The following KCNK13 variants were observed in gnomAD, a reference collection of about 807,000 sequenced individuals.
KCNK13 encodes the protein potassium channel subfamily K member 13.
In KCNK13, 12 loss-of-function variants were observed where a neutral mutation model predicts 23.4. The observed-to-expected ratio is 0.51, with a 90% confidence interval of 0.33 to 0.83. The LOEUF (loss-of-function observed/expected upper bound fraction) is 0.83, where lower values mean the gene tolerates loss of function less well. Among genes scored for constraint, KCNK13 ranks in the 40% least tolerant of loss-of-function variants. The probability of loss-of-function intolerance (pLI) is 0.02; values close to 1 mark genes in which losing one functional copy is unlikely to be tolerated. For missense variants in KCNK13, 463 were observed against 556.3 expected (o/e 0.83, Z 1.69); for synonymous variants, 231 against 229.5 (o/e 1.01, Z -0.06).
At chr14:90,070,764 G>A (rs966877452) in intron 1 of KCNK13, among the ~76,000 whole-genome samples, 2 of 152,142 alleles carry the variant, frequency 1.3e-5, no homozygotes, top group Non-Finnish European at 2.9e-5. Context: ...GTTGTTTCAT[G>A]CGAACAATGG....
chr14:90,074,762 A>C (rs1237737294), intron 1 of KCNK13, among the ~76,000 whole-genome samples: 1 of 152,210 alleles, frequency 6.6e-6, no homozygotes, highest in East Asian at 1.9e-4. Flanking sequence ...AACAGAAGAC[A>C]CACCCAAAAT....
intron 1 of KCNK13, among the ~76,000 whole-genome samples, chr14:90,101,682 C>G (rs552313663): frequency 6.8e-6 from 1 of 147,296 alleles, no homozygotes; most frequent in Non-Finnish European, 1.5e-5. Flanking sequence ...CCCAGCTACT[C>G]GGGAGGCTGA....
intron 1 of KCNK13, among the ~76,000 whole-genome samples, chr14:90,123,146 A>T (rs774874124): frequency 6.6e-6 from 1 of 152,316 alleles, no homozygotes; most frequent in Admixed American, 6.5e-5. Flanking sequence ...AGGAACTTGC[A>T]CTCACTGAGG....
At chr14:90,071,067 C>T (rs1889068798) in intron 1 of KCNK13, among the ~76,000 whole-genome samples, 1 of 152,196 alleles carries the variant, frequency 6.6e-6, no homozygotes, top group Admixed American at 6.5e-5. Flanking sequence ...ATATGCTCAT[C>T]TTAGCCCATT....
chr14:90,167,640 T>C (rs569354030), intron 1 of KCNK13, among the ~76,000 whole-genome samples: 1 of 152,128 alleles, frequency 6.6e-6, no homozygotes, highest in Non-Finnish European at 1.5e-5. Context: ...CCTAGAACAC[T>C]GGGGACCCAG....
chr14:90,112,268 G>A (rs1215496284), intron 1 of KCNK13, among the ~76,000 whole-genome samples: 2 of 152,188 alleles, frequency 1.3e-5, no homozygotes, highest in Non-Finnish European at 2.9e-5. Flanking sequence ...ACCAAGGGAA[G>A]CTTTTAAAAA....
intron 1 of KCNK13, among the ~76,000 whole-genome samples, chr14:90,162,119 G>A (rs1890258410): frequency 6.6e-6 from 1 of 152,174 alleles, no homozygotes; most frequent in Non-Finnish European, 1.5e-5. Context: ...GGGCGAGGCT[G>A]CAGTGAGCTG....
chr14:90,062,234 C>T lies in KCNK13; in HGVS notation c.29C>T (p.Pro10Leu), dbSNP rs746472259. ...GCTGGCCGGGGTTTCAGCTGGGGCC[C>T]GGGCCACCTGAACGAGGACAACGCG... MAGRGFSWG[P>L]GHLNEDNARF... The change falls in exon 1 of 2, where the codon CCG becomes CTG. Residue 10 changes from proline to leucine, a missense_variant. Physicochemically the swap from Pro to Leu is moderately conservative, Grantham distance 98. Around this residue, in one of 3 missense-constraint regions of KCNK13, gnomAD observed 153 missense variants for 153.6 expected, o/e 1.00. Coordinates refer to ENST00000282146, the MANE Select transcript of KCNK13 (RefSeq NM_022054.4). The surrounding 1 kb of genome is among the most constrained non-coding windows in gnomAD (Gnocchi z 4.5). 3.3e-6 allele frequency: 5 copies of T among 1,512,846 alleles called. No individual in the cohort carries two copies. The highest frequency in any genetic ancestry group is 2.5e-5 in the South Asian group (2 of 80,568). The allele number at this position is 1,512,846 out of a possible 1,614,324, so 93.7% of individuals were successfully genotyped here.
intron 1 of KCNK13, among the ~76,000 whole-genome samples, chr14:90,084,533 G>A (rs1017959926): frequency 2.6e-5 from 4 of 152,192 alleles, no homozygotes; most frequent in African/African-American, 9.7e-5. Context: ...AAAATTTTCA[G>A]TCAGTTCCTT....
chr14:90,130,226 G>T (rs1336552634), intron 1 of KCNK13, among the ~76,000 whole-genome samples: 2 of 71,508 alleles, frequency 2.8e-5, no homozygotes, highest in Admixed American at 1.4e-4. Flanking sequence ...TTCAGACAGG[G>T]TTTCACTCTC....
intron 1 of KCNK13, among the ~76,000 whole-genome samples, chr14:90,091,602 C>G (rs1459251215): frequency 6.6e-6 from 1 of 151,984 alleles, no homozygotes; most frequent in Non-Finnish European, 1.5e-5. Flanking sequence ...TGCTCTTAAA[C>G]CTGGAATGCA....
At chr14:90,106,725 T>C (rs1889547890) in intron 1 of KCNK13, among the ~76,000 whole-genome samples, 1 of 151,818 alleles carries the variant, frequency 6.6e-6, no homozygotes, top group Non-Finnish European at 1.5e-5. Context: ...AAAACATTTA[T>C]AGTAAAATAA....
chr14:90,111,064 C>T (rs1889610635), intron 1 of KCNK13, among the ~76,000 whole-genome samples: 1 of 151,872 alleles, frequency 6.6e-6, no homozygotes, highest in South Asian at 2.1e-4. Context: ...ACCCCCTGAT[C>T]AGGAACTCCC....
intron 1 of KCNK13, among the ~76,000 whole-genome samples, chr14:90,123,147 C>T (rs1411082001): frequency 6.6e-6 from 1 of 152,200 alleles, no homozygotes; most frequent in African/African-American, 2.4e-5. Context: ...GGAACTTGCA[C>T]TCACTGAGGA....
At chr14:90,147,509 T>C (rs1469456198) in intron 1 of KCNK13, among the ~76,000 whole-genome samples, 1 of 152,148 alleles carries the variant, frequency 6.6e-6, no homozygotes, top group African/African-American at 2.4e-5. Flanking sequence ...AATATTAACA[T>C]TTTAATTATG....
chr14:90,151,419 T>C (rs80193773), intron 1 of KCNK13, among the ~76,000 whole-genome samples: 9,894 of 152,276 alleles, frequency 0.065, 417 homozygotes, highest in South Asian at 0.21. Context: ...TAACTCTTGG[T>C]GATTTCTATG....
chr14:90,068,772 C>T (rs2140387588), intron 1 of KCNK13, among the ~76,000 whole-genome samples: 1 of 152,208 alleles, frequency 6.6e-6, no homozygotes, highest in East Asian at 1.9e-4. Context: ...AGGACAAGCC[C>T]TCCCATGCTT....
rs773406484 is a variant in KCNK13 at position 90,184,610 on chromosome 14, C to T, written c.834C>T (p.Val278=). Residue 278 remains valine, a synonymous_variant, in exon 2 of 2, where the codon GTC becomes GTT. Coordinates refer to ENST00000282146, the MANE Select transcript of KCNK13 (RefSeq NM_022054.4). The surrounding 1 kb of genome is among the most constrained non-coding windows in gnomAD (Gnocchi z 5.6). ...GCTGCATCTACTCCTTGTTCAATGT[C>T]ATCTCTATCCTCATCAAACAGTCCT... ...GVCCIYSLFN[V]ISILIKQSLN... is the part of the protein sequence containing the mutation. The T allele has an allele frequency of 1.3e-5, 21 of 1,614,236 alleles. No homozygotes were observed. The highest frequency in any genetic ancestry group is 1.5e-5 in the Non-Finnish European group (18 of 1,180,046).
chr14:90,069,857 C>G (rs1479088930), intron 1 of KCNK13, among the ~76,000 whole-genome samples: 3 of 152,140 alleles, frequency 2.0e-5, no homozygotes, highest in African/African-American at 7.2e-5. Flanking sequence ...GAGGTGCAGA[C>G]AGCATAGATA....
Sources: allele counts gnomAD v4.1 joint callset (sites outside exome capture counted in the v4.1 genomes callset), GRCh38; gene constraint gnomAD v4.1.1; regional missense constraint gnomAD v4.1.1; non-coding constraint Gnocchi (gnomAD v3.1); transcripts MANE v1.5; gene names NCBI Gene and HGNC (gene_info 2026-07-23, HGNC 2026-07-21).